Variants in LATS2 observed in about 807,000 individuals in gnomAD.
LATS2 encodes the protein large tumor suppressor kinase 2, also known as serine/threonine-protein kinase LATS2.
In LATS2, 24 loss-of-function variants were observed where a neutral mutation model predicts 76.0. The ratio of observed to expected loss-of-function variants is 0.32; its 90% confidence interval spans 0.23 to 0.44. The LOEUF (loss-of-function observed/expected upper bound fraction) is 0.44, where lower values mean the gene tolerates loss of function less well. Ranked by LOEUF, LATS2 falls within the 20% of genes least tolerant of loss-of-function variation. LATS2 has a pLI of 1.00. For synonymous variants in LATS2, 692 were observed against 635.4 expected, an observed-to-expected ratio of 1.09 and a Z score of -1.34; for missense variants, 1,286 against 1,481.2, an observed-to-expected ratio of 0.87 and a Z score of 2.16.
At chr13:21,038,595 G>A (rs1309505851) in intron 2 of LATS2, 1 of 152,124 alleles carries the variant, frequency 6.6e-6, no homozygotes, top group Non-Finnish European at 1.5e-5. Flanking sequence ...TGGGGTATTG[G>A]AAAGTTTCCA....
At chr13:20,980,845 T>A (rs537894056) in intron 6 of LATS2, among the ~76,000 whole-genome samples, 1 of 152,308 alleles carries the variant, frequency 6.6e-6, no homozygotes, top group Admixed American at 6.5e-5. Flanking sequence ...CTGGATTAAT[T>A]ACACCCCATT....
rs529226428 is a variant in LATS2, at chr13:20,990,114, G to GC, written c.476-811dup. Among the ~76,000 whole-genome samples the GC allele has an allele frequency of 2.7e-4, 41 of 152,342 alleles. 1 individual carries two copies. In the East Asian group the frequency reaches 5.6e-3, roughly 21 times the overall value. ...GCAGAGTGAAGGCCCTGACAGCCTG[G>GC]CACTGAACAAAGGTCACAGGCACAC... On this transcript the variant is annotated intron_variant, in intron 3 of 7. Transcript: ENST00000382592.
chr13:20,981,485 G>C lies in LATS2; in HGVS notation c.2646C>G (p.Pro882=), dbSNP rs1286808880. ...ATGTACCTTTGCGGAGGAGCACCTC[G>C]GGTGCGATGTAGTTTGGAGTCCCCA... ...SLVGTPNYIA[P]EVLLRKGYTQ... The change falls in exon 6 of 8, where the codon CCC becomes CCG. Residue 882 remains proline (P), a synonymous_variant. Transcript: ENST00000382592. The C allele has an allele frequency of 1.2e-6, 2 of 1,613,800 alleles. No homozygotes were observed. Among genetic ancestry groups the C allele is most frequent in the Non-Finnish European group, 1.7e-6 (2 of 1,179,894 alleles).
Position 20,991,552 on chromosome 13 carries a change from A to T in LATS2, c.343-148T>A. On this transcript the variant is annotated intron_variant, in intron 2 of 7. Transcript: ENST00000382592. This position sits in a 1 kb window ranked among gnomAD's most constrained non-coding sequence, Gnocchi z 4.9. ...GCGATATGCTGCAGGAGACCCTCAG[A>T]ATGAGTGCAGGTGGCTGTGTGCCCT... is the stretch of plus-strand genomic sequence containing the variant. 1.1e-6 allele frequency: 1 copy of T among 895,298 alleles called. No individual in the cohort carries two copies. Among genetic ancestry groups the T allele is most frequent in the East Asian group, 2.6e-5 (1 of 38,408 alleles). The allele number at this position is 895,298 out of a possible 1,614,324, so 55.5% of individuals were successfully genotyped here. A position where few individuals can be genotyped will look rare whatever the true frequency, so the allele number is the denominator to read the frequency against.
Position 20,974,917 on chromosome 13 carries a change from A to C in LATS2, c.3220T>G (p.Ser1074Ala). ...SQAESSDLES[S>A]DLVDQTEGCQ... ...CCTTCAGTCTGATCCACCAGATCAG[A>C]GCTTTCTAAATCTGAGCTCTCAGCC... The change falls in exon 8 of 8, where the codon TCT (serine) becomes GCT (alanine). Residue 1074 changes from serine (S) to alanine (A), a missense_variant. Ser to Ala is a moderately conservative substitution (Grantham distance 99, BLOSUM62 1). This residue lies in a region of LATS2 where 210 missense variants were observed against 234.9 expected (regional missense o/e 0.89). Transcript: ENST00000382592. The C allele has an allele frequency of 6.2e-7, 1 of 1,614,116 alleles. No homozygotes were observed. The highest frequency in any genetic ancestry group is 1.7e-4 in the Middle Eastern group (1 of 6,026).
chr13:21,001,629 T>C (rs967735284), intron 2 of LATS2, among the ~76,000 whole-genome samples: 2 of 152,106 alleles, frequency 1.3e-5, no homozygotes, highest in Non-Finnish European at 2.9e-5. Flanking sequence ...CCCAGCTGAG[T>C]TCCCAGTGGA....
At chr13:21,061,024 G>A (rs1873625702) in intron 1 of LATS2, among the ~76,000 whole-genome samples, 1 of 151,400 alleles carries the variant, frequency 6.6e-6, no homozygotes, top group South Asian at 2.1e-4. Context: ...CGCCCCGGTC[G>A]CCGCACAACA....
At chr13:21,045,651 C>T in intron 2 of LATS2, 34 bp downstream of exon 2, 2 of 1,553,652 alleles carry the variant, frequency 1.3e-6, no homozygotes, top group Non-Finnish European at 1.8e-6. Context: ...CCATAGCTGC[C>T]TCTGCACATG....
intron 2 of LATS2, among the ~76,000 whole-genome samples, chr13:21,044,389 C>T (rs1872988061): frequency 6.6e-6 from 1 of 152,166 alleles, no homozygotes; most frequent in South Asian, 2.1e-4. Context: ...ACCAGAAGTG[C>T]TCAGGCCATT....
chr13:21,047,744 C>T (rs1190965983), intron 1 of LATS2, among the ~76,000 whole-genome samples: 1 of 151,552 alleles, frequency 6.6e-6, no homozygotes, highest in Non-Finnish European at 1.5e-5. Context: ...CCCAGCCTTA[C>T]TATGTGTCAG....
Position 20,991,468 on chromosome 13 carries a change from C to T in LATS2, c.343-64G>A. 1 of 1,590,898 alleles carries T rather than the reference C, an allele frequency of 6.3e-7. No individual in the cohort carries two copies. The highest frequency in any genetic ancestry group is 1.1e-5 in the South Asian group (1 of 89,820). On this transcript the variant is annotated intron_variant, in intron 2 of 7. Transcript: ENST00000382592. The surrounding 1 kb of genome is among the most constrained non-coding windows in gnomAD (Gnocchi z 4.9). ...CTAAAACAAAGCCACCAAAGACTCCCATCCCCACTCCGTGCTGGACTGTGC... is the reference window on the plus strand; with the variant it reads ...CTAAAACAAAGCCACCAAAGACTCCTATCCCCACTCCGTGCTGGACTGTGC...
At chr13:21,045,619 C>G in intron 2 of LATS2, 66 bp downstream of exon 2, 1 of 1,310,226 alleles carries the variant, frequency 7.6e-7, no homozygotes, top group Non-Finnish European at 1.1e-6. Context: ...GTTGCCAAAC[C>G]ATTCTGACTG....
chr13:21,031,238 A>G (rs147009773), intron 2 of LATS2, among the ~76,000 whole-genome samples: 2 of 152,200 alleles, frequency 1.3e-5, no homozygotes, highest in African/African-American at 4.8e-5. Flanking sequence ...TCTGTACATG[A>G]ATGCTTTTCA....
intron 2 of LATS2, among the ~76,000 whole-genome samples, chr13:21,013,367 T>A (rs1871674303): frequency 6.6e-6 from 1 of 152,186 alleles, no homozygotes; most frequent in Non-Finnish European, 1.5e-5. Context: ...CTATGACTAA[T>A]GTGCATGAGG....
chr13:20,980,329 C>T (rs1869815540), intron 6 of LATS2, among the ~76,000 whole-genome samples: 1 of 152,226 alleles, frequency 6.6e-6, no homozygotes, highest in Admixed American at 6.5e-5. Flanking sequence ...ACGGGGCTCC[C>T]AGCTGTGCTG....
At position 20,974,729 on chromosome 13, in the gene LATS2, G is replaced by A. The variant is rs1159620072; in HGVS notation, c.*141C>T. On this transcript the variant is annotated 3_prime_UTR_variant, in exon 8 of 8. Coordinates refer to ENST00000382592, the MANE Select transcript of LATS2 (RefSeq NM_014572.3). ...AGTGTCCTGTTTGGGTTTTCTTGGTGAAGAGCAGAATTTCAAGTGAAGTAA... is the reference window on the plus strand; with the variant it reads ...AGTGTCCTGTTTGGGTTTTCTTGGTAAAGAGCAGAATTTCAAGTGAAGTAA... 1.1e-6 allele frequency: 1 copy of A among 888,234 alleles called. No homozygotes were observed. Among genetic ancestry groups the A allele is most frequent in the Non-Finnish European group, 1.7e-6 (1 of 598,966 alleles). 55.0% of individuals were successfully genotyped at this position (888,234 alleles called of 1,614,324 possible).
At chr13:21,027,113 A>T (rs913039110) in intron 2 of LATS2, among the ~76,000 whole-genome samples, 1 of 152,104 alleles carries the variant, frequency 6.6e-6, no homozygotes, top group African/African-American at 2.4e-5. Context: ...TCCAAATGTG[A>T]GTCCATTGTC....
chr13:21,007,571 A>C (rs570062406), intron 2 of LATS2, among the ~76,000 whole-genome samples: 3 of 18,498 alleles, frequency 1.6e-4, no homozygotes, highest in South Asian at 1.9e-3. Context: ...ATATATATAT[A>C]TATATATATA....
rs546935863 is a variant in LATS2, at chr13:21,044,570, T to A, written c.342+1115A>T. On this transcript the variant is annotated intron_variant, in intron 2 of 7. Transcript: ENST00000382592. ...TGTTTTACTTGTTACATTTCACTAA[T>A]TACATTTTTACCTGGTTGGACACTA... Among the ~76,000 whole-genome samples, 9 of 152,332 alleles carry A rather than the reference T, an allele frequency of 5.9e-5. No individual in the cohort carries two copies. In the South Asian group the frequency reaches 1.9e-3, roughly 32 times the overall value.
Sources: gnomAD v4.1 joint callset for allele counts (sites outside exome capture counted in the v4.1 genomes callset) on GRCh38, gnomAD v4.1.1 for gene constraint, gnomAD v4.1.1 regional missense constraint, Gnocchi (gnomAD v3.1) non-coding constraint, MANE v1.5 for transcripts, NCBI Gene and HGNC (gene_info 2026-07-23, HGNC 2026-07-21) for gene names.